The following MID1 variants were observed in gnomAD, a reference collection of about 807,000 sequenced individuals.
MID1 encodes the protein midline 1, also known as E3 ubiquitin-protein ligase Midline-1.
In MID1, 7 loss-of-function variants were observed where a neutral mutation model predicts 40.4. The ratio of observed to expected loss-of-function variants is 0.17; its 90% CI spans 0.10 to 0.33. MID1 has a LOEUF of 0.33. Ranked by LOEUF, MID1 falls within the 10% of genes least tolerant of loss-of-function variation. MID1 has a pLI of 1.00. For missense variants in MID1, 367 were observed against 558.5 expected (o/e 0.66, Z 3.46); for synonymous variants, 229 against 221.2 (o/e 1.04, Z -0.31).
At chrX:10,499,230 A>T (rs1931421621) in intron 3 of MID1, among the ~76,000 whole-genome samples, 1 of 111,739 alleles carries the variant, frequency 8.9e-6, no homozygotes, top group South Asian at 3.8e-4. Flanking sequence ...AACTTACTGG[A>T]CATCTGTGTA....
chrX:10,642,327 T>TA (rs746199418), intron 1 of MID1, among the ~76,000 whole-genome samples: 83 of 110,950 alleles, frequency 7.5e-4, no homozygotes, highest in Non-Finnish European at 1.1e-3. Context: ...AGTCTCAGGA[T>TA]AAAAAATCAA....
Position 10,604,978 on chromosome X carries a change from A to C in MID1, c.-57+15312T>G, listed in dbSNP as rs1935597933. Among the ~76,000 whole-genome samples the C allele has an allele frequency of 2.7e-5, 3 of 112,341 alleles. No homozygotes were observed. The South Asian group carries it at 1.1e-3, about 41-fold the overall frequency. On this transcript the variant is annotated intron_variant, in intron 1 of 9. Coordinates refer to ENST00000317552, the MANE Select transcript of MID1 (RefSeq NM_000381.4). ...TCTACTAACATTTTATGTACTTGCT[A>C]ATCTGCCTGTCGGCTCAATCTGCAG...
intron 2 of MID1, among the ~76,000 whole-genome samples, chrX:10,525,233 A>G (rs967891955): frequency 2.6e-4 from 29 of 112,504 alleles, no homozygotes; most frequent in African/African-American, 9.3e-4. Context: ...CTTAAAATGC[A>G]TATGTCAAAA....
At chrX:10,796,514 A>T (rs1254152380) in intron 1 of MID1, among the ~76,000 whole-genome samples, 1 of 107,913 alleles carries the variant, frequency 9.3e-6, no homozygotes. Flanking sequence ...AGAGAAAAAC[A>T]GTCACCACAG....
At chrX:10,667,132 C>T (rs955815824) in intron 1 of MID1, among the ~76,000 whole-genome samples, 1 of 111,293 alleles carries the variant, frequency 9.0e-6, no homozygotes, top group East Asian at 2.8e-4. Flanking sequence ...TGTATGCACC[C>T]CTCGCCTGGC....
intron 9 of MID1, among the ~76,000 whole-genome samples, chrX:10,450,064 G>T (rs1356191531): frequency 8.9e-6 from 1 of 112,489 alleles, no homozygotes; most frequent in East Asian, 2.8e-4. Flanking sequence ...CTGACCAAAA[G>T]AACTTTCTTC....
intron 1 of MID1, among the ~76,000 whole-genome samples, chrX:10,600,919 C>G (rs373275996): frequency 9.0e-6 from 1 of 110,974 alleles, no homozygotes; most frequent in East Asian, 2.8e-4. Flanking sequence ...AGCAGCCAAG[C>G]GCAATGAAAA....
intron 1 of MID1, among the ~76,000 whole-genome samples, chrX:10,591,298 T>C (rs1241619589): frequency 1.8e-5 from 2 of 112,458 alleles, no homozygotes; most frequent in Admixed American, 9.4e-5. Context: ...GGTAAAGATA[T>C]GTTGGTTCTC....
intron 1 of MID1, among the ~76,000 whole-genome samples, chrX:10,822,710 CAT>C (rs1193297355): frequency 2.7e-5 from 3 of 111,821 alleles, no homozygotes; most frequent in African/African-American, 9.8e-5. Context: ...AGCCAACAAA[CAT>C]ATGAAAAAAA....
intron 2 of MID1, among the ~76,000 whole-genome samples, chrX:10,566,497 T>TTCTCTCTCTCTCTCTCTCTC (rs1281393445): frequency 1.4e-5 from 1 of 72,080 alleles, no homozygotes; most frequent in South Asian, 6.7e-4. Flanking sequence ...TTATCTGTCA[T>TTCTCTCTCTCTCTCTCTCTC]TCTCTCTCTC....
chrX:10,787,844 A>G (rs1052164653), intron 1 of MID1, among the ~76,000 whole-genome samples: 2 of 110,101 alleles, frequency 1.8e-5, no homozygotes, highest in Non-Finnish European at 3.8e-5. Flanking sequence ...AAGACATAAA[A>G]ATCAAACAGG....
chrX:10,765,942 G>GGAAAGGAAA (rs2043721145), intron 1 of MID1, among the ~76,000 whole-genome samples: 3 of 65,414 alleles, frequency 4.6e-5, no homozygotes, highest in African/African-American at 6.4e-5. Flanking sequence ...GGAAAGGAAA[G>GGAAAGGAAA]GAAAGAAAGA....
At chrX:10,645,356 C>G (rs991152983) in intron 1 of MID1, among the ~76,000 whole-genome samples, 1 of 111,768 alleles carries the variant, frequency 8.9e-6, no homozygotes, top group Non-Finnish European at 1.9e-5. Flanking sequence ...ATACAGAAAA[C>G]GGAAATGACT....
intron 3 of MID1, chrX:10,505,434 C>T (rs914535898): frequency 2.7e-6 from 2 of 752,733 alleles, no homozygotes; most frequent in Non-Finnish European, 3.1e-6. Context: ...CAATAAACTC[C>T]TCCCTTCCTT....
chrX:10,741,959 G>T (rs752986368), intron 1 of MID1, among the ~76,000 whole-genome samples: 1 of 111,267 alleles, frequency 9.0e-6, no homozygotes, highest in African/African-American at 3.3e-5. Flanking sequence ...AAATCAGTAG[G>T]AATAAGCAAA....
At chrX:10,771,105 G>GAAA (rs199974083) in intron 1 of MID1, among the ~76,000 whole-genome samples, 1 of 66,246 alleles carries the variant, frequency 1.5e-5, no homozygotes, top group African/African-American at 5.1e-5. Context: ...TCTGTCTCAA[G>GAAA]AAAAAAAAAA....
In MID1 at chrX:10,495,556, A is replaced by G. The variant is rs765049173; in HGVS notation, c.864+28T>C. ...GATTTATTTTCTCCAGGTAGAGAAT[A>G]TGAAATCTTCTGCCCTAGAAATCAT... On this transcript the variant is annotated intron_variant, in intron 4 of 9. Transcript: ENST00000317552. The G allele has an allele frequency of 5.1e-5, 55 of 1,076,884 alleles. No homozygotes were observed. In the South Asian group the frequency reaches 1.0e-3, roughly 20 times the overall value. 88.7% of individuals were successfully genotyped at this position (1,076,884 alleles called of 1,213,427 possible). A position where few individuals can be genotyped will look rare whatever the true frequency, so the allele number is the denominator to read the frequency against.
At chrX:10,704,739 T>TATACACACACACAC (rs1233692170) in intron 1 of MID1, among the ~76,000 whole-genome samples, 6 of 82,203 alleles carry the variant, frequency 7.3e-5, no homozygotes, top group African/African-American at 3.2e-4. Flanking sequence ...TATATATATA[T>TATACACACACACAC]ACACACACAC....
chrX:10,595,531 TAAATA>T (rs978956489), intron 1 of MID1, among the ~76,000 whole-genome samples: 12 of 111,045 alleles, frequency 1.1e-4, no homozygotes, highest in East Asian at 5.6e-4. Flanking sequence ...ATTCAAATTA[TAAATA>T]AAATAAAATA....
Sources: allele counts gnomAD v4.1 joint callset (sites outside exome capture counted in the v4.1 genomes callset), GRCh38; gene constraint gnomAD v4.1.1; transcripts MANE v1.5; gene names NCBI Gene and HGNC (gene_info 2026-07-23, HGNC 2026-07-21).